The following DDX60L variants were observed in gnomAD, a reference collection of about 807,000 sequenced individuals.
DDX60L encodes the protein probable ATP-dependent RNA helicase DDX60-like.
A neutral mutation model predicts 211.6 loss-of-function variants in DDX60L; 191 were observed. The observed-to-expected ratio is 0.90, with a 90% CI of 0.80 to 1.02. DDX60L has a LOEUF of 1.02. Among genes scored for constraint, DDX60L ranks in the 50% least tolerant of loss-of-function variants. DDX60L has a pLI of 0.00. For missense variants in DDX60L, 2,007 were observed against 1,984.1 expected, an observed-to-expected ratio of 1.01 and a Z score of -0.22; for synonymous variants, 706 against 694.1, an observed-to-expected ratio of 1.02 and a Z score of -0.27.
At chr4:168,446,545 G>A (rs773530844) in intron 9 of DDX60L, among the ~76,000 whole-genome samples, 39 of 152,264 alleles carry the variant, frequency 2.6e-4, no homozygotes, top group Admixed American at 1.0e-3. Context: ...AAGTTCATAC[G>A]GAACCGAAAA....
chr4:168,391,619 G>C lies in DDX60L; in HGVS notation c.3836C>G (p.Ala1279Gly). 2 of 1,582,990 alleles carry C rather than the reference G, an allele frequency of 1.3e-6. No homozygotes were observed. Among genetic ancestry groups the C allele is most frequent in the Non-Finnish European group, 8.6e-7 (1 of 1,162,286 alleles). The change falls in exon 29 of 38, where the codon GCC becomes GGC. Residue 1279 changes from alanine to glycine, a missense_variant. Coordinates refer to ENST00000682922, the MANE Select transcript of DDX60L (RefSeq NM_001012967.3). The stretch of plus-strand genomic sequence containing the variant: ...TTTGCATGGCATGTGGATCCCTAAG[G>C]CAAGTGTTTCAGTAGCTGTCACTAC... ...IRVVTATETL[A>G]LGIHMPCKSV...
chr4:168,397,818 G>A (rs1746080040), intron 26 of DDX60L, among the ~76,000 whole-genome samples: 2 of 152,196 alleles, frequency 1.3e-5, no homozygotes, highest in Non-Finnish European at 2.9e-5. Flanking sequence ...CAGAAGCTGG[G>A]AACAGGTGGA....
chr4:168,404,801 A>G (rs540052763), intron 24 of DDX60L, among the ~76,000 whole-genome samples: 2 of 152,312 alleles, frequency 1.3e-5, no homozygotes, highest in East Asian at 3.9e-4. Flanking sequence ...ATTCCTTTAC[A>G]TAATATACAA....
chr4:168,381,031 G>C (rs1191143482), intron 30 of DDX60L, among the ~76,000 whole-genome samples: 3 of 152,172 alleles, frequency 2.0e-5, no homozygotes, highest in African/African-American at 7.2e-5. Context: ...TTTCTAAGTA[G>C]CAAAGTGTTC....
intron 15 of DDX60L, 67 bp downstream of exon 15, chr4:168,423,541 T>A (rs1379003118): frequency 2.7e-6 from 3 of 1,113,050 alleles, no homozygotes; most frequent in African/African-American, 1.7e-5. Flanking sequence ...TCATTAGACC[T>A]ATTAGTTATT....
intron 22 of DDX60L, among the ~76,000 whole-genome samples, chr4:168,407,958 T>G (rs529945177): frequency 6.6e-6 from 1 of 152,342 alleles, no homozygotes; most frequent in East Asian, 1.9e-4. Flanking sequence ...GAATCATCAT[T>G]TAGCAATTCT....
chr4:168,442,710 TCCCTGAC>T (rs1179081960), intron 9 of DDX60L, among the ~76,000 whole-genome samples: 3 of 151,262 alleles, frequency 2.0e-5, no homozygotes, highest in Admixed American at 6.6e-5. Flanking sequence ...CTCAAGTGGG[TCCCTGAC>T]CCCTGACCCC....
intron 36 of DDX60L, among the ~76,000 whole-genome samples, chr4:168,363,430 T>C (rs1455323220): frequency 6.6e-6 from 1 of 152,216 alleles, no homozygotes; most frequent in Non-Finnish European, 1.5e-5. Flanking sequence ...GCTGTCTGGG[T>C]GCTACGGAAA....
chr4:168,406,850 C>T (rs1296864804), intron 22 of DDX60L, 144 bp from the exon 23 acceptor site: 4 of 625,202 alleles, frequency 6.4e-6, no homozygotes, highest in South Asian at 2.0e-5. Context: ...TAATATTTCA[C>T]CTCTGCAAGG....
intron 37 of DDX60L, among the ~76,000 whole-genome samples, chr4:168,360,605 T>C (rs1241871826): frequency 6.6e-6 from 1 of 152,168 alleles, no homozygotes; most frequent in East Asian, 1.9e-4. Flanking sequence ...AGACAAAAAC[T>C]GGATGACCAA....
intron 30 of DDX60L, chr4:168,380,696 TGAAAATGTG>T (rs1742789501): frequency 6.6e-6 from 1 of 152,210 alleles, no homozygotes; most frequent in African/African-American, 2.4e-5. Context: ...TAAAGATATC[TGAAAATGTG>T]GAAGCGATTT....
At chr4:168,443,417 T>G (rs1413690869) in intron 9 of DDX60L, among the ~76,000 whole-genome samples, 1 of 151,822 alleles carries the variant, frequency 6.6e-6, no homozygotes, top group Non-Finnish European at 1.5e-5. Context: ...TACCTGAAAG[T>G]GATGGGGAGA....
intron 36 of DDX60L, among the ~76,000 whole-genome samples, chr4:168,363,095 G>A (rs544396326): frequency 6.6e-6 from 1 of 152,272 alleles, no homozygotes; most frequent in African/African-American, 2.4e-5. Context: ...GAATCCTCAT[G>A]AGACTATCAG....
chr4:168,467,909 G>A (rs942442325), intron 4 of DDX60L, among the ~76,000 whole-genome samples: 2 of 152,328 alleles, frequency 1.3e-5, no homozygotes, highest in Non-Finnish European at 1.5e-5. Flanking sequence ...GCTCATGCCT[G>A]TAATCTCAGC....
intron 22 of DDX60L, among the ~76,000 whole-genome samples, chr4:168,409,635 T>G (rs1433610273): frequency 1.3e-5 from 2 of 152,180 alleles, no homozygotes; most frequent in Non-Finnish European, 2.9e-5. Context: ...AAAATTATGT[T>G]TGAAAATGTC....
chr4:168,408,060 G>A lies in DDX60L; in HGVS notation c.2980-1354C>T, dbSNP rs550271270. Among the ~76,000 whole-genome samples, 26 of 152,314 alleles carry A rather than the reference G, an allele frequency of 1.7e-4. 1 individual carries two copies. Among genetic ancestry groups the A allele is most frequent in the Admixed American group, 7.2e-4 (11 of 15,292 alleles). On this transcript the variant is annotated intron_variant, in intron 22 of 37. Transcript: ENST00000682922. Reference sequence around the variant, plus strand: ...ATTATCTCAGAAGGTGAGGATTTCAGTATCTCATAAACTGCATCTTGCAGG... The same window carrying A: ...ATTATCTCAGAAGGTGAGGATTTCAATATCTCATAAACTGCATCTTGCAGG...
At chr4:168,427,359 G>A (rs1561051591) in intron 13 of DDX60L, 37 bp from the exon 14 acceptor site, 4 of 1,587,024 alleles carry the variant, frequency 2.5e-6, no homozygotes. Context: ...AAACAAGTGG[G>A]AAAATTCCAT....
chr4:168,367,994 T>C (rs1194716800), intron 36 of DDX60L, among the ~76,000 whole-genome samples: 2 of 152,344 alleles, frequency 1.3e-5, no homozygotes, highest in East Asian at 3.9e-4. Context: ...AGCATAACAG[T>C]TTGGAAAATT....
intron 36 of DDX60L, among the ~76,000 whole-genome samples, chr4:168,371,117 A>G (rs913641910): frequency 6.6e-6 from 1 of 151,044 alleles, no homozygotes; most frequent in African/African-American, 2.5e-5. Flanking sequence ...TTCATAAAAA[A>G]TAATATTTTA....
Sources: gnomAD v4.1 joint callset for allele counts (sites outside exome capture counted in the v4.1 genomes callset) on GRCh38, gnomAD v4.1.1 for gene constraint, MANE v1.5 for transcripts, NCBI Gene and HGNC (gene_info 2026-07-23, HGNC 2026-07-21) for gene names.